Variants in CCDC192 observed in about 807,000 individuals in gnomAD.
CCDC192 encodes the protein coiled-coil domain containing 192.
chr5:127,926,732 C>A (rs556746017), intron 6 of CCDC192, among the ~76,000 whole-genome samples: 1 of 152,208 alleles, frequency 6.6e-6, no homozygotes, highest in Admixed American at 6.5e-5. Flanking sequence ...GTCTAGAGCT[C>A]AGGTCCGACC....
At chr5:127,921,647 T>A (rs1358376600) in intron 6 of CCDC192, among the ~76,000 whole-genome samples, 1 of 152,216 alleles carries the variant, frequency 6.6e-6, no homozygotes, top group African/African-American at 2.4e-5. Context: ...TTAACATTTT[T>A]CTTTTATAAA....
chr5:127,734,942 T>C (rs1184860155), intron 2 of CCDC192, among the ~76,000 whole-genome samples: 5 of 149,028 alleles, frequency 3.4e-5, no homozygotes, highest in South Asian at 4.3e-4. Context: ...TTAGATCCCA[T>C]TTGTCAATTT....
chr5:127,842,513 C>G (rs1016455567), intron 5 of CCDC192, among the ~76,000 whole-genome samples: 1 of 152,192 alleles, frequency 6.6e-6, no homozygotes, highest in Non-Finnish European at 1.5e-5. Context: ...CTACTGTGCC[C>G]GGCCAAAATT....
At chr5:127,838,588 T>C (rs955380199) in intron 5 of CCDC192, 1 of 152,184 alleles carries the variant, frequency 6.6e-6, no homozygotes, top group Non-Finnish European at 1.5e-5. Flanking sequence ...TGGTCTCTCT[T>C]AAAACTTCCT....
chr5:127,819,937 T>A (rs1171171091), intron 5 of CCDC192, among the ~76,000 whole-genome samples: 1 of 152,214 alleles, frequency 6.6e-6, no homozygotes, highest in Non-Finnish European at 1.5e-5. Flanking sequence ...ATTATCTTTA[T>A]CCTTGTTTGT....
At chr5:127,867,207 A>G (rs571836862) in intron 5 of CCDC192, among the ~76,000 whole-genome samples, 1 of 152,218 alleles carries the variant, frequency 6.6e-6, no homozygotes, top group Non-Finnish European at 1.5e-5. Context: ...CCTTGAACAC[A>G]TGCCTGTGCT....
chr5:127,929,933 G>C (rs1221052531), intron 6 of CCDC192, among the ~76,000 whole-genome samples: 1 of 152,152 alleles, frequency 6.6e-6, no homozygotes, highest in Non-Finnish European at 1.5e-5. Context: ...GCCAGGCGCA[G>C]TGACTCACAC....
intron 6 of CCDC192, among the ~76,000 whole-genome samples, chr5:127,914,258 A>G (rs891615814): frequency 1.3e-5 from 2 of 152,200 alleles, no homozygotes; most frequent in Non-Finnish European, 2.9e-5. Flanking sequence ...AGAGCTACAT[A>G]TGAAAATTTC....
intron 3 of CCDC192, chr5:127,784,995 C>T: frequency 6.3e-6 from 3 of 475,820 alleles, no homozygotes; most frequent in South Asian, 4.9e-5. Flanking sequence ...CTTCCAAGAC[C>T]AATAACTTCA....
intron 3 of CCDC192, among the ~76,000 whole-genome samples, chr5:127,758,838 G>A (rs1169615080): frequency 6.6e-6 from 1 of 152,118 alleles, no homozygotes; most frequent in African/African-American, 2.4e-5. Context: ...ACAAGGAAAG[G>A]GACTCTGGTG....
At chr5:127,858,455 G>A (rs893248343) in intron 5 of CCDC192, among the ~76,000 whole-genome samples, 1 of 152,144 alleles carries the variant, frequency 6.6e-6, no homozygotes, top group African/African-American at 2.4e-5. Flanking sequence ...CTTCCTTAAT[G>A]AGGTCACTTT....
At chr5:127,752,069 C>A (rs573498001) in intron 2 of CCDC192, among the ~76,000 whole-genome samples, 2 of 152,062 alleles carry the variant, frequency 1.3e-5, no homozygotes, top group Admixed American at 6.6e-5. Context: ...AACGTCCTCC[C>A]GTAGCTCAGA....
Position 127,800,820 on chromosome 5 carries a change from G to A in CCDC192, c.411+2658G>A, listed in dbSNP as rs370409099. Among the ~76,000 whole-genome samples the A allele has an allele frequency of 2.6e-5, 4 of 152,046 alleles. No homozygotes were observed. The East Asian group carries it at 7.7e-4, about 29-fold the overall frequency. Reference sequence around the variant, plus strand: ...TGCCTCTGTCCTACTTTGGTTAGTTGTCAGGCCCTGAATATGTTTCTACAA... The same window carrying A: ...TGCCTCTGTCCTACTTTGGTTAGTTATCAGGCCCTGAATATGTTTCTACAA... On this transcript the variant is annotated intron_variant, in intron 5 of 6. Transcript: ENST00000514853.
At chr5:127,805,546 A>G (rs1450757013) in intron 5 of CCDC192, among the ~76,000 whole-genome samples, 1 of 152,236 alleles carries the variant, frequency 6.6e-6, no homozygotes, top group East Asian at 1.9e-4. Flanking sequence ...CACATGGCAG[A>G]GTTAATCAGT....
chr5:127,765,280 C>T (rs1755154599), intron 3 of CCDC192, among the ~76,000 whole-genome samples: 4 of 152,082 alleles, frequency 2.6e-5, no homozygotes, highest in Admixed American at 2.0e-4. Flanking sequence ...ATATGAAAGT[C>T]CCAATGTCCT....
At chr5:127,848,685 T>C (rs1000923921) in intron 5 of CCDC192, among the ~76,000 whole-genome samples, 1 of 152,228 alleles carries the variant, frequency 6.6e-6, no homozygotes, top group Non-Finnish European at 1.5e-5. Flanking sequence ...ATAAAATTCT[T>C]ATCGTGTTCT....
chr5:127,864,971 C>A (rs976116095), intron 5 of CCDC192, among the ~76,000 whole-genome samples: 1 of 152,088 alleles, frequency 6.6e-6, no homozygotes, highest in Non-Finnish European at 1.5e-5. Context: ...CATGGTGAAA[C>A]CCCGTCTCTA....
At chr5:127,878,978 G>T (rs1752236500) in intron 6 of CCDC192, among the ~76,000 whole-genome samples, 1 of 148,052 alleles carries the variant, frequency 6.8e-6, no homozygotes, top group African/African-American at 2.5e-5. Context: ...ATTGTGAATG[G>T]GAGTTCACTC....
At chr5:127,730,930 T>C (rs1387739096) in intron 2 of CCDC192, among the ~76,000 whole-genome samples, 4 of 152,168 alleles carry the variant, frequency 2.6e-5, no homozygotes, top group African/African-American at 9.7e-5. Context: ...GGGCAAAAGC[T>C]AGAAGCATTC....
Sources: allele counts gnomAD v4.1 joint callset (sites outside exome capture counted in the v4.1 genomes callset), GRCh38; gene constraint gnomAD v4.1.1; transcripts MANE v1.5; gene names NCBI Gene and HGNC (gene_info 2026-07-23, HGNC 2026-07-21).